Variants in CRISPLD1 observed in about 807,000 individuals in gnomAD.
CRISPLD1 encodes the protein cysteine-rich secretory protein LCCL domain-containing 1.
Under a neutral mutation model 77.5 loss-of-function variants are expected in CRISPLD1, and 60 were observed. The observed-to-expected ratio is 0.77, with a 90% CI of 0.63 to 0.96. The LOEUF is 0.96. Ranked by LOEUF, CRISPLD1 falls within the 40% of genes least tolerant of loss-of-function variation. The pLI is 0.00. For missense variants in CRISPLD1, 623 were observed against 615.8 expected (o/e 1.01, Z -0.12); for synonymous variants, 195 against 200.1 (o/e 0.97, Z 0.22).
chr8:75,014,253 C>G (rs1459362452), intron 5 of CRISPLD1, 151 bp downstream of exon 5: 7 of 599,858 alleles, frequency 1.2e-5, no homozygotes, highest in Non-Finnish European at 1.8e-5. Flanking sequence ...ATTGTAGTTG[C>G]CTAATGCATA....
intron 2 of CRISPLD1, among the ~76,000 whole-genome samples, chr8:74,990,783 A>T (rs1282701250): frequency 2.0e-5 from 3 of 152,130 alleles, no homozygotes; most frequent in African/African-American, 7.2e-5. Context: ...AAAAAAAAAA[A>T]AAAACCAGAA....
intron 2 of CRISPLD1, among the ~76,000 whole-genome samples, chr8:74,991,937 A>G (rs937322421): frequency 6.6e-6 from 1 of 152,184 alleles, no homozygotes; most frequent in African/African-American, 2.4e-5. Context: ...GCCTATTTAT[A>G]GTATTAAAGC....
At chr8:74,987,875 A>G (rs1319654616) in intron 2 of CRISPLD1, among the ~76,000 whole-genome samples, 7 of 152,240 alleles carry the variant, frequency 4.6e-5, no homozygotes. Flanking sequence ...TCATGAAAGA[A>G]CAGTTCTGTG....
intron 6 of CRISPLD1, among the ~76,000 whole-genome samples, chr8:75,016,263 A>T (rs918131124): frequency 1.3e-5 from 2 of 149,636 alleles, no homozygotes; most frequent in African/African-American, 4.9e-5. Context: ...TGTAGATTTC[A>T]TGGTGTCATT....
At position 75,016,685 on chromosome 8, in the gene CRISPLD1, T is replaced by G; in HGVS notation, c.848T>G (p.Val283Gly). The G allele has an allele frequency of 1.9e-6, 3 of 1,612,916 alleles. No individual in the cohort carries two copies. The highest frequency in any genetic ancestry group is 2.5e-6 in the Non-Finnish European group (3 of 1,179,300). ...TRSDDSSRNE[V>G]ISAQQMSQIV... ...TCAGATGATAGTAGCAGAAATGAAG[T>G]CATAAGCGCACAGCAAATGTGTAAG... is the stretch of plus-strand genomic sequence containing the variant. The change falls in exon 7 of 15, where the codon GTC becomes GGC. Residue 283 changes from valine (V) to glycine (G), a missense_variant. Coordinates refer to ENST00000262207, the MANE Select transcript of CRISPLD1 (RefSeq NM_031461.6).
intron 2 of CRISPLD1, among the ~76,000 whole-genome samples, chr8:74,999,508 CA>C (rs529514517): frequency 1.1e-4 from 16 of 152,220 alleles, no homozygotes; most frequent in African/African-American, 3.9e-4. Flanking sequence ...TGTTAAAATA[CA>C]TATTTTGATT....
At chr8:75,027,371 CAG>C (rs1348564386) in intron 13 of CRISPLD1, among the ~76,000 whole-genome samples, 1 of 152,210 alleles carries the variant, frequency 6.6e-6, no homozygotes, top group African/African-American at 2.4e-5. Flanking sequence ...CTGAACTCAA[CAG>C]AGATTTCCAA....
At chr8:75,013,439 A>G (rs1812970896) in intron 4 of CRISPLD1, among the ~76,000 whole-genome samples, 1 of 152,108 alleles carries the variant, frequency 6.6e-6, no homozygotes, top group African/African-American at 2.4e-5. Context: ...CTTCCAAATC[A>G]AACAACTAAA....
chr8:74,987,921 A>G (rs1489423900), intron 2 of CRISPLD1, among the ~76,000 whole-genome samples: 1 of 152,234 alleles, frequency 6.6e-6, no homozygotes, highest in Admixed American at 6.5e-5. Flanking sequence ...AAAAAATAAT[A>G]ATAATAACTG....
intron 5 of CRISPLD1, among the ~76,000 whole-genome samples, chr8:75,014,346 TACTC>T (rs1289298651): frequency 6.6e-6 from 1 of 152,162 alleles, no homozygotes; most frequent in Non-Finnish European, 1.5e-5. Context: ...TCTTTGGTTT[TACTC>T]ACTATACTAT....
intron 2 of CRISPLD1, among the ~76,000 whole-genome samples, chr8:75,001,765 A>G (rs1812746191): frequency 6.6e-6 from 1 of 152,200 alleles, no homozygotes; most frequent in African/African-American, 2.4e-5. Flanking sequence ...ATTTTCCCAA[A>G]TGGTGGAAAC....
chr8:74,999,748 C>T (rs1166108410), intron 2 of CRISPLD1, among the ~76,000 whole-genome samples: 1 of 150,776 alleles, frequency 6.6e-6, no homozygotes, highest in Admixed American at 6.6e-5. Flanking sequence ...ACTATTAAGG[C>T]AGGAAAATGA....
intron 13 of CRISPLD1, 37 bp downstream of exon 13, chr8:75,025,658 GTA>G (rs760238731): frequency 2.9e-6 from 3 of 1,036,674 alleles, no homozygotes; most frequent in African/African-American, 3.1e-5. Context: ...CAACATTCAT[GTA>G]TATATATAAA....
At chr8:75,029,843 ATTCT>A (rs1277480728) in intron 14 of CRISPLD1, among the ~76,000 whole-genome samples, 1 of 152,158 alleles carries the variant, frequency 6.6e-6, no homozygotes, top group African/African-American at 2.4e-5. Context: ...TTTATATTTA[ATTCT>A]TTCTAGGTGA....
chr8:74,999,709 G>A (rs916122184), intron 2 of CRISPLD1, among the ~76,000 whole-genome samples: 15 of 151,542 alleles, frequency 9.9e-5, no homozygotes, highest in Admixed American at 7.9e-4. Context: ...TATCACATTC[G>A]CCTCCCTTTT....
chr8:74,992,390 T>C (rs748079250), intron 2 of CRISPLD1, among the ~76,000 whole-genome samples: 8 of 152,186 alleles, frequency 5.3e-5, no homozygotes, highest in Non-Finnish European at 1.2e-4. Context: ...TATTGAAATG[T>C]TTTGGAATTT....
intron 12 of CRISPLD1, among the ~76,000 whole-genome samples, chr8:75,022,492 G>A (rs1295276339): frequency 6.6e-6 from 1 of 151,714 alleles, no homozygotes; most frequent in Non-Finnish European, 1.5e-5. Context: ...CAGAGGCTGA[G>A]CAGGAGAATG....
intron 12 of CRISPLD1, among the ~76,000 whole-genome samples, chr8:75,020,368 A>G (rs1338874568): frequency 6.6e-6 from 1 of 152,192 alleles, no homozygotes; most frequent in Non-Finnish European, 1.5e-5. Context: ...ACAAAATAGC[A>G]TAGACTGGGT....
At position 74,985,965 on chromosome 8, in the gene CRISPLD1, G is replaced by A; in HGVS notation, c.-23G>A. 5.6e-6 allele frequency: 9 copies of A among 1,595,492 alleles called. No homozygotes were observed. Among genetic ancestry groups the A allele is most frequent in the Non-Finnish European group, 7.7e-6 (9 of 1,166,844 alleles). On this transcript the variant is annotated 5_prime_UTR_variant, in exon 2 of 15. Transcript: ENST00000262207. ...AGAGCCTGTCTTGGAGATTTTCCTG[G>A]GGAAATCCTGAGGTCATTCATTATG...
Sources: allele counts gnomAD v4.1 joint callset (sites outside exome capture counted in the v4.1 genomes callset), GRCh38; gene constraint gnomAD v4.1.1; transcripts MANE v1.5; gene names NCBI Gene and HGNC (gene_info 2026-07-23, HGNC 2026-07-21).